Variants in AHNAK observed in about 807,000 individuals in gnomAD.
AHNAK encodes neuroblast differentiation-associated protein AHNAK.
AHNAK carries 23 observed loss-of-function variants against 37.8 expected under a neutral mutation model. The ratio of observed to expected loss-of-function variants is 0.61; its 90% CI spans 0.44 to 0.86. The LOEUF (loss-of-function observed/expected upper bound fraction) is 0.86. Ranked by LOEUF, AHNAK falls within the 40% of genes least tolerant of loss-of-function variation. The pLI, the probability that AHNAK is intolerant of heterozygous loss-of-function variation, is 0.00. For synonymous variants in AHNAK, 2,481 were observed against 2,636.3 expected (o/e 0.94, Z 1.80); for missense variants, 7,411 against 7,319.4 (o/e 1.01, Z -0.46).
Position 62,532,043 on chromosome 11 carries a change from C to T in AHNAK, c.2374G>A (p.Val792Met). ...TTCCCTTCTGGTTCCTCAATGCTCA[C>T]ATCAGGAGCAGTAACATCTATCTTG... ...GPKIDVTAPD[V>M]SIEEPEGKLK... The change falls in exon 5 of 5, where the codon GTG (valine) becomes ATG (methionine). Residue 792 changes from valine to methionine, a missense_variant. Val to Met is a conservative substitution (Grantham distance 21). Transcript: ENST00000378024. 6.2e-7 allele frequency: 1 copy of T among 1,613,478 alleles called. No individual in the cohort carries two copies. The highest frequency in any genetic ancestry group is 1.3e-5 in the African/African-American group (1 of 74,734).
chr11:62,468,198 C>T (rs1938953420), intron 5 of AHNAK, among the ~76,000 whole-genome samples: 1 of 151,976 alleles, frequency 6.6e-6, no homozygotes, highest in Admixed American at 6.6e-5. Context: ...AATACAAAAA[C>T]TTAGCCAGGT....
intron 4 of AHNAK, among the ~76,000 whole-genome samples, chr11:62,496,068 A>G (rs1260866698): frequency 6.6e-6 from 1 of 152,048 alleles, no homozygotes; most frequent in Non-Finnish European, 1.5e-5. Context: ...AAAAGAAGAA[A>G]GAAAGAAATA....
intron 5 of AHNAK, among the ~76,000 whole-genome samples, chr11:62,443,358 C>T (rs947263086): frequency 3.3e-5 from 5 of 150,058 alleles, no homozygotes; most frequent in Non-Finnish European, 7.4e-5. Flanking sequence ...CCGCAACCTC[C>T]GCCTCCAGGG....
At chr11:62,437,852 C>T (rs545469312) in intron 5 of AHNAK, among the ~76,000 whole-genome samples, 2 of 152,126 alleles carry the variant, frequency 1.3e-5, no homozygotes, top group Non-Finnish European at 2.9e-5. Context: ...TTCATTTTAG[C>T]TATTATGGTG....
chr11:62,504,384 A>G (rs1205388952), intron 4 of AHNAK, among the ~76,000 whole-genome samples: 1 of 151,960 alleles, frequency 6.6e-6, no homozygotes, highest in Admixed American at 6.6e-5. Flanking sequence ...CTAAATTCCT[A>G]GAATTTATTT....
rs1565222176 is a variant in AHNAK, at chr11:62,517,384, A to T, written c.17033T>A (p.Met5678Lys). The change falls in exon 5 of 5, where the codon ATG becomes AAG. Residue 5678 changes from methionine (M) to lysine (K), a missense_variant. By Grantham distance (95) the Met-to-Lys change is moderately conservative (BLOSUM62 -1). Transcript: ENST00000378024. ...FSGRELVGRE[M>K]GVDVHFPKAE... ...TTTAGGGAAGTGAACATCCACCCCC[A>T]TTTCTCTGCCAACCAGCTCACGGCC... 1 of 1,614,108 alleles carries T rather than the reference A, an allele frequency of 6.2e-7. No homozygotes were observed. Among genetic ancestry groups the T allele is most frequent in the East Asian group, 2.2e-5 (1 of 44,870 alleles).
At chr11:62,510,443 T>C (rs1043407235) in intron 4 of AHNAK, among the ~76,000 whole-genome samples, 1 of 152,094 alleles carries the variant, frequency 6.6e-6, no homozygotes, top group African/African-American at 2.4e-5. Context: ...TCAGCAAAAG[T>C]AATGATAACA....
chr11:62,526,070 C>A lies in AHNAK; in HGVS notation c.8347G>T (p.Gly2783Cys). ...GGCAGGTTCACGTCCACATCTGGAC[C>A]TTCTCCTTTGAAGCCAGGCATGCTG... is the stretch of plus-strand genomic sequence containing the variant. ...KISMPGFKGEGPDVDVNLPKA... is the reference protein window; with the variant it reads ...KISMPGFKGECPDVDVNLPKA... Residue 2783 changes from glycine to cysteine, a missense_variant, in exon 5 of 5, where the codon GGT (glycine) becomes TGT (cysteine). By Grantham distance (159) the Gly-to-Cys change is radical. Transcript: ENST00000378024. 1 of 1,613,334 alleles carries A rather than the reference C, an allele frequency of 6.2e-7. No homozygotes were observed. Among genetic ancestry groups the A allele is most frequent in the Admixed American group, 1.7e-5 (1 of 59,916 alleles).
In AHNAK at chr11:62,516,880, C is replaced by T. The variant is rs565603379; in HGVS notation, c.17537G>A (p.Gly5846Asp). 4 of 1,614,148 alleles carry T rather than the reference C, an allele frequency of 2.5e-6. No homozygotes were observed. The highest frequency in any genetic ancestry group is 4.5e-5 in the East Asian group (2 of 44,882). Reference sequence around the variant, plus strand: ...GGACACCCCACTCCCCTGTAACTTGCCTGTCTCATCATCGCTCCCAGTCAC... The same window carrying T: ...GGACACCCCACTCCCCTGTAACTTGTCTGTCTCATCATCGCTCCCAGTCAC... ...YEVTGSDDETGKLQGSGVSLA... is the reference protein window; with the variant it reads ...YEVTGSDDETDKLQGSGVSLA... Residue 5846 changes from glycine to aspartate, a missense_variant, in exon 5 of 5, where the codon GGC (glycine) becomes GAC (aspartate). Coordinates refer to ENST00000378024, the MANE Select transcript of AHNAK (RefSeq NM_001620.3).
chr11:62,541,824 C>T (rs1941135441), intron 1 of AHNAK: 1 of 152,232 alleles, frequency 6.6e-6, no homozygotes, highest in African/African-American at 2.4e-5. Context: ...TCTCTGACCC[C>T]CAAGGCCCTT....
intron 5 of AHNAK, among the ~76,000 whole-genome samples, chr11:62,479,189 CG>C (rs1939212727): frequency 4.6e-5 from 3 of 65,724 alleles, no homozygotes; most frequent in South Asian, 4.7e-4. Flanking sequence ...TTTTTTGATA[CG>C]GAGTTTCCCT....
At chr11:62,469,925 C>T (rs1241593663) in intron 5 of AHNAK, among the ~76,000 whole-genome samples, 1 of 152,188 alleles carries the variant, frequency 6.6e-6, no homozygotes, top group Non-Finnish European at 1.5e-5. Context: ...TGTGTGTACT[C>T]AATCATAAAC....
intron 5 of AHNAK, among the ~76,000 whole-genome samples, chr11:62,460,752 G>A (rs1395705501): frequency 2.0e-5 from 3 of 152,170 alleles, no homozygotes; most frequent in African/African-American, 7.2e-5. Flanking sequence ...AGGACCCAGA[G>A]ATAAAGTGGT....
At chr11:62,458,155 T>C (rs1227797023) in intron 5 of AHNAK, among the ~76,000 whole-genome samples, 1 of 152,030 alleles carries the variant, frequency 6.6e-6, no homozygotes, top group Non-Finnish European at 1.5e-5. Context: ...CCTGACCTCA[T>C]GATCCACCCG....
intron 4 of AHNAK, among the ~76,000 whole-genome samples, chr11:62,534,348 T>C (rs1205067297): frequency 1.6e-4 from 24 of 152,074 alleles, no homozygotes. Flanking sequence ...CTGGGAGGAT[T>C]TCCATTCAGT....
intron 5 of AHNAK, among the ~76,000 whole-genome samples, chr11:62,445,079 C>T (rs1163139025): frequency 6.6e-6 from 1 of 152,198 alleles, no homozygotes; most frequent in Non-Finnish European, 1.5e-5. Context: ...GCAAATATGA[C>T]TCCTTCTGAA....
intron 4 of AHNAK, among the ~76,000 whole-genome samples, chr11:62,507,033 A>T (rs1278365199): frequency 6.6e-6 from 1 of 151,826 alleles, no homozygotes; most frequent in African/African-American, 2.4e-5. Context: ...CCACGCACAC[A>T]TCTCCACTTC....
chr11:62,490,697 T>C (rs1939490942), intron 5 of AHNAK, among the ~76,000 whole-genome samples: 1 of 152,126 alleles, frequency 6.6e-6, no homozygotes, highest in Admixed American at 6.5e-5. Context: ...CAGTCAGTCC[T>C]CTCCAGCTGA....
At chr11:62,463,897 G>T (rs1938846196) in intron 5 of AHNAK, among the ~76,000 whole-genome samples, 1 of 151,412 alleles carries the variant, frequency 6.6e-6, no homozygotes, top group African/African-American at 2.4e-5. Flanking sequence ...CCAAGTAGCT[G>T]GAATTACAGG....
Sources: allele counts gnomAD v4.1 joint callset (sites outside exome capture counted in the v4.1 genomes callset), GRCh38; gene constraint gnomAD v4.1.1; transcripts MANE v1.5; gene names NCBI Gene and HGNC (gene_info 2026-07-23, HGNC 2026-07-21).